Variants in CPQ observed in about 807,000 individuals in gnomAD.
CPQ encodes the protein Ser-Met dipeptidase.
CPQ carries 37 observed loss-of-function variants against 45.7 expected under a neutral mutation model. The observed-to-expected ratio is 0.81, with a 90% CI of 0.62 to 1.07. The LOEUF (loss-of-function observed/expected upper bound fraction) is 1.07. Among genes scored for constraint, CPQ ranks in the 50% least tolerant of loss-of-function variants. The pLI is 0.00. For synonymous variants in CPQ, 186 were observed against 205.8 expected, an observed-to-expected ratio of 0.90 and a Z score of 0.82; for missense variants, 537 against 572.9, an observed-to-expected ratio of 0.94 and a Z score of 0.64.
chr8:96,756,935 A>AT (rs948954049), intron 1 of CPQ, among the ~76,000 whole-genome samples: 5 of 151,854 alleles, frequency 3.3e-5, no homozygotes, highest in Admixed American at 6.6e-5. Flanking sequence ...TATTCAAGTG[A>AT]TTTTTTTTCC....
At chr8:96,740,442 A>C (rs1006599229) in intron 1 of CPQ, among the ~76,000 whole-genome samples, 5 of 151,864 alleles carry the variant, frequency 3.3e-5, no homozygotes, top group East Asian at 1.9e-4. Context: ...TTCCTAATTG[A>C]ATACCCTTTA....
At chr8:97,014,909 A>T (rs1809553271) in intron 5 of CPQ, among the ~76,000 whole-genome samples, 1 of 152,052 alleles carries the variant, frequency 6.6e-6, no homozygotes, top group Non-Finnish European at 1.5e-5. Flanking sequence ...GCATTATATT[A>T]AAAAAAACTT....
At chr8:96,813,695 G>C (rs1811187025) in intron 2 of CPQ, among the ~76,000 whole-genome samples, 1 of 152,078 alleles carries the variant, frequency 6.6e-6, no homozygotes, top group Non-Finnish European at 1.5e-5. Context: ...GGCTGGAGGT[G>C]GGAATGGGTG....
At chr8:97,142,230 G>A (rs552453389) in intron 7 of CPQ, among the ~76,000 whole-genome samples, 1 of 152,310 alleles carries the variant, frequency 6.6e-6, no homozygotes, top group East Asian at 1.9e-4. Flanking sequence ...AATCAAGCTA[G>A]CTAGAGGCTA....
intron 4 of CPQ, among the ~76,000 whole-genome samples, chr8:96,906,184 A>T (rs978781010): frequency 6.6e-6 from 1 of 152,162 alleles, no homozygotes; most frequent in African/African-American, 2.4e-5. Context: ...TGATGGAAAG[A>T]CAGGGAACTT....
At chr8:96,772,023 G>C (rs1210915558) in intron 1 of CPQ, among the ~76,000 whole-genome samples, 2 of 152,058 alleles carry the variant, frequency 1.3e-5, no homozygotes, top group African/African-American at 4.8e-5. Flanking sequence ...TGTTATCAGA[G>C]GTATAAGTAG....
At chr8:97,125,991 T>G (rs534775446) in intron 7 of CPQ, among the ~76,000 whole-genome samples, 1 of 152,248 alleles carries the variant, frequency 6.6e-6, no homozygotes, top group East Asian at 1.9e-4. Flanking sequence ...AGGGGCTCTG[T>G]GAAAGAAAGA....
At chr8:96,786,881 ATTAT>A (rs1454387217) in intron 2 of CPQ, among the ~76,000 whole-genome samples, 14 of 152,186 alleles carry the variant, frequency 9.2e-5, no homozygotes, top group African/African-American at 3.4e-4. Context: ...TGAGATTTTT[ATTAT>A]AGAGTTTTAA....
intron 4 of CPQ, among the ~76,000 whole-genome samples, chr8:96,880,449 A>T (rs1812205546): frequency 6.7e-6 from 1 of 150,082 alleles, no homozygotes; most frequent in Admixed American, 6.7e-5. Flanking sequence ...CACTATTCAC[A>T]ATAGCAAAGA....
At chr8:97,061,967 C>T (rs951759075) in intron 6 of CPQ, among the ~76,000 whole-genome samples, 3 of 152,120 alleles carry the variant, frequency 2.0e-5, no homozygotes, top group African/African-American at 7.2e-5. Flanking sequence ...CTCTTGATCT[C>T]TCTGCTAAAA....
Position 96,784,918 on chromosome 8 carries a change from AT to A in CPQ, c.26del (p.Phe9SerfsTer28), listed in dbSNP as rs745946672. On this transcript the variant is annotated frameshift_variant, in exon 2 of 8. Coordinates refer to ENST00000220763, the MANE Select transcript of CPQ (RefSeq NM_016134.4). LOFTEE classifies it high-confidence loss of function. ...AAAAAATGAAATTCCTTATCTTCGCATTTTTCGGTGGTGTTCACCTTTTATC... is the reference window on the plus strand; with the variant it reads ...AAAAAATGAAATTCCTTATCTTCGCATTTTCGGTGGTGTTCACCTTTTATC... The part of the protein sequence containing the change: MKFLIFA[F>X]FGGVHLLSLC... 3 of 1,599,038 alleles carry A rather than the reference AT, an allele frequency of 1.9e-6. No homozygotes were observed. In the South Asian group the frequency reaches 3.4e-5, roughly 18 times the overall value.
intron 1 of CPQ, among the ~76,000 whole-genome samples, chr8:96,756,797 T>G: frequency 6.6e-6 from 1 of 152,164 alleles, no homozygotes; most frequent in East Asian, 1.9e-4. Flanking sequence ...TCACTCTATT[T>G]CTAGGTCTGT....
At chr8:96,846,412 CTCCCAGCTGATGTCTT>C (rs1374760947) in intron 3 of CPQ, among the ~76,000 whole-genome samples, 8 of 152,242 alleles carry the variant, frequency 5.3e-5, no homozygotes, top group African/African-American at 1.9e-4. Flanking sequence ...CAAATATTTT[CTCCCAGCTGATGTCTT>C]TCCCATCTTT....
chr8:97,103,596 G>A (rs1389243383), intron 7 of CPQ, among the ~76,000 whole-genome samples: 2 of 152,136 alleles, frequency 1.3e-5, no homozygotes, highest in Non-Finnish European at 2.9e-5. Flanking sequence ...GTTACCTTGG[G>A]AAAATTACAT....
At chr8:96,797,243 C>T (rs1810943563) in intron 2 of CPQ, among the ~76,000 whole-genome samples, 1 of 152,140 alleles carries the variant, frequency 6.6e-6, no homozygotes, top group African/African-American at 2.4e-5. Flanking sequence ...CTTCTAGAAC[C>T]CTAACTGTAG....
intron 7 of CPQ, among the ~76,000 whole-genome samples, chr8:97,085,841 T>C (rs1418209634): frequency 6.6e-6 from 1 of 152,150 alleles, no homozygotes; most frequent in Non-Finnish European, 1.5e-5. Context: ...TCATCCACAG[T>C]GGTTAATGGT....
chr8:96,669,500 G>A (rs941095691), intron 1 of CPQ, among the ~76,000 whole-genome samples: 3 of 152,166 alleles, frequency 2.0e-5, no homozygotes, highest in Admixed American at 2.0e-4. Flanking sequence ...TAAAATGGAT[G>A]TGGAGTCTCA....
rs1156706371 is a variant in CPQ, at chr8:96,854,530, CAAAAAA to C, written c.641+19374_641+19379del. Among the ~76,000 whole-genome samples, 39 of 8,698 alleles carry C rather than the reference CAAAAAA, an allele frequency of 4.5e-3. No individual in the cohort carries two copies. In the East Asian group the frequency reaches 0.066, roughly 15 times the overall value. 5.7% of individuals were successfully genotyped at this position (8,698 alleles called of 152,430 possible). On this transcript the variant is annotated intron_variant, in intron 3 of 7. Coordinates refer to ENST00000220763, the MANE Select transcript of CPQ (RefSeq NM_016134.4). ...TGGGCGACAGAGCGAGACTCCGTCT[CAAAAAA>C]AAAAAAAAAAAAAAAAAAAAAAATG...
At chr8:96,759,920 TC>T (rs1418486592) in intron 1 of CPQ, among the ~76,000 whole-genome samples, 1 of 152,148 alleles carries the variant, frequency 6.6e-6, no homozygotes, top group East Asian at 1.9e-4. Flanking sequence ...TTGTTATTAT[TC>T]CCCCCGTTAC....
Sources: allele counts gnomAD v4.1 joint callset (sites outside exome capture counted in the v4.1 genomes callset), GRCh38; gene constraint gnomAD v4.1.1; transcripts MANE v1.5; gene names NCBI Gene and HGNC (gene_info 2026-07-23, HGNC 2026-07-21).